The following PKNOX2 variants were observed in gnomAD, a reference collection of about 807,000 sequenced individuals.
The protein encoded by PKNOX2 is homeobox protein PKNOX2.
Under a neutral mutation model 53.1 loss-of-function variants are expected in PKNOX2, and 14 were observed. That is an observed-to-expected ratio of 0.26 (90% CI 0.17 to 0.41). The LOEUF is 0.41. Among genes scored for constraint, PKNOX2 ranks in the 10% least tolerant of loss-of-function variants. The pLI, the probability that PKNOX2 is intolerant of heterozygous loss-of-function variation, is 1.00. For synonymous variants in PKNOX2, 257 were observed against 242.8 expected (o/e 1.06, Z -0.54); for missense variants, 496 against 602.8 (o/e 0.82, Z 1.85).
chr11:125,204,471 C>T (rs376424715), intron 1 of PKNOX2, among the ~76,000 whole-genome samples: 4 of 152,222 alleles, frequency 2.6e-5, no homozygotes, highest in African/African-American at 4.8e-5. Flanking sequence ...GTGCTGTGCT[C>T]GCTCAGTAAA....
chr11:125,319,512 G>A (rs1425774381), intron 2 of PKNOX2, among the ~76,000 whole-genome samples: 1 of 152,188 alleles, frequency 6.6e-6, no homozygotes, highest in East Asian at 1.9e-4. Context: ...AATAAAATGA[G>A]ATGTGTCTGT....
chr11:125,249,597 A>G (rs1943842498), intron 2 of PKNOX2, among the ~76,000 whole-genome samples: 1 of 152,120 alleles, frequency 6.6e-6, no homozygotes, highest in Admixed American at 6.5e-5. Flanking sequence ...AGTATATGGG[A>G]GAATATGTGT....
At chr11:125,289,762 C>G (rs1947185136) in intron 2 of PKNOX2, among the ~76,000 whole-genome samples, 1 of 152,170 alleles carries the variant, frequency 6.6e-6, no homozygotes, top group African/African-American at 2.4e-5. Flanking sequence ...GGACAGAAGA[C>G]TAGAGCCTTA....
chr11:125,181,008 A>C (rs1314668229), intron 1 of PKNOX2, among the ~76,000 whole-genome samples: 1 of 152,246 alleles, frequency 6.6e-6, no homozygotes, highest in Non-Finnish European at 1.5e-5. Flanking sequence ...CTAGGGAGAC[A>C]ATGCTTACTG....
At chr11:125,404,165 G>A (rs1353258138) in intron 7 of PKNOX2, among the ~76,000 whole-genome samples, 1 of 152,156 alleles carries the variant, frequency 6.6e-6, no homozygotes, top group Admixed American at 6.5e-5. Flanking sequence ...TGGACAGGGG[G>A]CATCCCTAGA....
chr11:125,414,594 C>T (rs965490439), intron 10 of PKNOX2, among the ~76,000 whole-genome samples: 5 of 152,190 alleles, frequency 3.3e-5, no homozygotes, highest in Non-Finnish European at 7.3e-5. Flanking sequence ...TGGACACACC[C>T]TCCCCAATCC....
chr11:125,189,368 T>C (rs1956645406), intron 1 of PKNOX2, among the ~76,000 whole-genome samples: 1 of 103,020 alleles, frequency 9.7e-6, no homozygotes, highest in African/African-American at 3.3e-5. Flanking sequence ...TATATATATA[T>C]GTATATATAT....
intron 2 of PKNOX2, among the ~76,000 whole-genome samples, chr11:125,312,634 C>T (rs528810720): frequency 4.6e-5 from 7 of 152,286 alleles, no homozygotes; most frequent in South Asian, 2.1e-4. Context: ...TGCCACCCCC[C>T]GAGTGTCACG....
chr11:125,331,373 G>A (rs887478124), intron 2 of PKNOX2, among the ~76,000 whole-genome samples: 1 of 137,612 alleles, frequency 7.3e-6, no homozygotes, highest in Non-Finnish European at 1.5e-5. Context: ...GACCCCAGTC[G>A]AAGCCCACTG....
intron 1 of PKNOX2, among the ~76,000 whole-genome samples, chr11:125,232,392 C>A (rs952065355): frequency 6.6e-6 from 1 of 152,314 alleles, no homozygotes. Flanking sequence ...TTCTACGAAC[C>A]TTTCAGTATA....
At chr11:125,237,554 G>A (rs1186465825) in intron 2 of PKNOX2, among the ~76,000 whole-genome samples, 1 of 152,194 alleles carries the variant, frequency 6.6e-6, no homozygotes, top group Non-Finnish European at 1.5e-5. Context: ...AGAATAAAAG[G>A]AACCCTTCTT....
chr11:125,327,750 T>C (rs940832397), intron 2 of PKNOX2, among the ~76,000 whole-genome samples: 2 of 152,176 alleles, frequency 1.3e-5, no homozygotes, highest in Non-Finnish European at 2.9e-5. Flanking sequence ...GGAAGGAGAT[T>C]ACAGACTGTA....
At chr11:125,201,285 C>G (rs1938405931) in intron 1 of PKNOX2, among the ~76,000 whole-genome samples, 2 of 152,170 alleles carry the variant, frequency 1.3e-5, no homozygotes, top group African/African-American at 4.8e-5. Context: ...GTGAAGCCCC[C>G]TCACTGCTGA....
intron 3 of PKNOX2, among the ~76,000 whole-genome samples, chr11:125,342,783 G>T (rs1950764287): frequency 6.6e-6 from 1 of 150,592 alleles, no homozygotes; most frequent in South Asian, 2.1e-4. Flanking sequence ...GGGAGGGGCG[G>T]GCCGGGGCTC....
intron 2 of PKNOX2, among the ~76,000 whole-genome samples, chr11:125,269,654 C>T (rs984917448): frequency 2.0e-5 from 3 of 152,056 alleles, no homozygotes; most frequent in Admixed American, 2.0e-4. Context: ...CTGTCCAGGG[C>T]GAGGCTGAGA....
Position 125,432,098 on chromosome 11 carries a change from C to A in PKNOX2, c.*706C>A, listed in dbSNP as rs1418742198. 5 of 152,378 alleles carry A rather than the reference C, an allele frequency of 3.3e-5. No homozygotes were observed. Among genetic ancestry groups the A allele is most frequent in the Non-Finnish European group, 7.3e-5 (5 of 68,210 alleles). 9.4% of individuals were successfully genotyped at this position (152,378 alleles called of 1,614,324 possible). On this transcript the variant is annotated 3_prime_UTR_variant, in exon 13 of 13. Coordinates refer to ENST00000298282, the MANE Select transcript of PKNOX2 (RefSeq NM_001382323.2). ...ACCAACTGTAAGCTGGTGGGCTCAA[C>A]CTGTGGGAGGTTAAGAGGAGTCCCT...
intron 2 of PKNOX2, among the ~76,000 whole-genome samples, chr11:125,257,732 C>T (rs1944517327): frequency 6.6e-6 from 1 of 152,156 alleles, no homozygotes; most frequent in Non-Finnish European, 1.5e-5. Context: ...TTAGGTTGCC[C>T]TTTTCATCGT....
At chr11:125,219,401 G>A (rs1028691272) in intron 1 of PKNOX2, among the ~76,000 whole-genome samples, 1 of 151,252 alleles carries the variant, frequency 6.6e-6, no homozygotes, top group Non-Finnish European at 1.5e-5. Flanking sequence ...TCACGCCATT[G>A]CATTCTAGCC....
intron 3 of PKNOX2, among the ~76,000 whole-genome samples, chr11:125,350,270 C>T (rs567739347): frequency 6.6e-6 from 1 of 152,190 alleles, no homozygotes; most frequent in Non-Finnish European, 1.5e-5. Flanking sequence ...CCACTTATGG[C>T]ACCACATCCT....
Sources: allele counts gnomAD v4.1 joint callset (sites outside exome capture counted in the v4.1 genomes callset), GRCh38; gene constraint gnomAD v4.1.1; transcripts MANE v1.5; gene names NCBI Gene and HGNC (gene_info 2026-07-23, HGNC 2026-07-21).